The following ZNF169 variants were observed in gnomAD, a reference collection of about 807,000 sequenced individuals.
ZNF169 encodes the protein zinc finger protein 169.
Under a neutral mutation model 12.0 loss-of-function variants are expected in ZNF169, and 11 were observed. The observed-to-expected ratio is 0.92, with a 90% confidence interval of 0.58 to 1.52. The LOEUF is 1.52. ZNF169 is among the 40% of genes most tolerant of loss of function. The pLI, the probability that ZNF169 is intolerant of heterozygous loss-of-function variation, is 0.00. For missense variants in ZNF169, 722 were observed against 744.0 expected, an observed-to-expected ratio of 0.97 and a Z score of 0.34; for synonymous variants, 302 against 286.5, an observed-to-expected ratio of 1.05 and a Z score of -0.55.
rs376713073 is a variant in ZNF169, at chr9:94,296,892, A to G, written c.257-2923A>G. 925 of 449,720 alleles carry G rather than the reference A, an allele frequency of 2.1e-3. 22 individuals carry two copies. Among genetic ancestry groups the G allele is most frequent in the South Asian group, 0.014 (892 of 63,814 alleles). 27.9% of individuals were successfully genotyped at this position (449,720 alleles called of 1,614,324 possible). On this transcript the variant is annotated intron_variant, in intron 4 of 4. Transcript: ENST00000395395. ...AACCCCATCTCTACTAAAAATACAA[A>G]AAAAACTAGCCGAGTGTGGTGGTGC... is the stretch of plus-strand genomic sequence containing the variant.
At chr9:94,261,683 T>TGACAAA (rs1361135578) in intron 1 of ZNF169, among the ~76,000 whole-genome samples, 6 of 152,206 alleles carry the variant, frequency 3.9e-5, no homozygotes, top group Non-Finnish European at 8.8e-5. Context: ...TCCAGGTCTC[T>TGACAAA]CCCTTTGTCA....
chr9:94,267,723 TTGATATTA>T (rs1256566033), intron 1 of ZNF169, among the ~76,000 whole-genome samples: 1 of 152,234 alleles, frequency 6.6e-6, no homozygotes, highest in African/African-American at 2.4e-5. Flanking sequence ...CCTGTTGTGC[TTGATATTA>T]ATGAACATTT....
intron 1 of ZNF169, among the ~76,000 whole-genome samples, chr9:94,262,793 C>G (rs937257841): frequency 1.3e-5 from 2 of 152,160 alleles, no homozygotes; most frequent in Non-Finnish European, 2.9e-5. Context: ...CACTCATTAC[C>G]CTATCTCTCT....
At chr9:94,299,488 C>T (rs1026237607) in intron 4 of ZNF169, 7 of 1,248,908 alleles carry the variant, frequency 5.6e-6, no homozygotes, top group African/African-American at 1.5e-5. Context: ...AACAGCAGGC[C>T]GAACAAATGT....
Position 94,301,230 on chromosome 9 carries a change from A to G in ZNF169, c.1672A>G (p.Ile558Val). 1.2e-6 allele frequency: 2 copies of G among 1,613,992 alleles called. No homozygotes were observed. The highest frequency in any genetic ancestry group is 2.2e-5 in the South Asian group (2 of 91,078). The change falls in exon 5 of 5, where the codon ATC (isoleucine) becomes GTC (valine). Residue 558 changes from isoleucine (I) to valine (V), a missense_variant. Transcript: ENST00000395395. ...GRGFGFKSAL[I>V]RHQRTHSGEK... ...CGGCTTTGGCTTTAAGTCTGCCCTC[A>G]TCCGACATCAGCGGACCCATTCTGG... is the stretch of plus-strand genomic sequence containing the variant.
In ZNF169 at chr9:94,300,963, C is replaced by T. The variant is rs1831058883; in HGVS notation, c.1405C>T (p.Gln469Ter). The T allele has an allele frequency of 6.2e-7, 1 of 1,613,142 alleles. No individual in the cohort carries two copies. Among genetic ancestry groups the T allele is most frequent in the Admixed American group, 1.7e-5 (1 of 59,902 alleles). The change falls in exon 5 of 5, where the codon CAG becomes TAG. Residue 469 changes from glutamine to a stop codon, truncating the protein, a stop_gained. Coordinates refer to ENST00000395395, the MANE Select transcript of ZNF169 (RefSeq NM_194320.4). LOFTEE classifies it low-confidence loss of function (END_TRUNC). ...CCCTGATTGTGGGCGTGGCTTTGGT[C>T]AGAAGGTCACCCTCATCAGACACCA... ...LCPDCGRGFG[Q>*]KVTLIRHQRT...
At chr9:94,269,780 C>T (rs1348290246) in intron 1 of ZNF169, among the ~76,000 whole-genome samples, 2 of 152,160 alleles carry the variant, frequency 1.3e-5, no homozygotes, top group African/African-American at 2.4e-5. Flanking sequence ...TATATGTCTA[C>T]ATGTAAGTGT....
intron 1 of ZNF169, among the ~76,000 whole-genome samples, chr9:94,277,304 G>A (rs937545464): frequency 6.6e-6 from 1 of 152,142 alleles, no homozygotes; most frequent in Non-Finnish European, 1.5e-5. Context: ...GAGAGAGCAG[G>A]TTGTAAAATA....
chr9:94,300,045 A>C lies in ZNF169; in HGVS notation c.487A>C (p.Thr163Pro). The C allele has an allele frequency of 6.2e-7, 1 of 1,614,108 alleles. No homozygotes were observed. Among genetic ancestry groups the C allele is most frequent in the Non-Finnish European group, 8.5e-7 (1 of 1,180,022 alleles). The change falls in exon 5 of 5, where the codon ACA (threonine) becomes CCA (proline). Residue 163 changes from threonine (T) to proline (P), a missense_variant. By Grantham distance (38) the Thr-to-Pro change is conservative. Coordinates refer to ENST00000395395, the MANE Select transcript of ZNF169 (RefSeq NM_194320.4). ...AAAGAGGCCAAGCAGAATTTCTAGG[A>C]CATTCTTCAGCCCACATCAAGGTGA... ...LRKRPSRISR[T>P]FFSPHQGDPV...
intron 1 of ZNF169, among the ~76,000 whole-genome samples, chr9:94,269,914 A>T (rs922325905): frequency 6.6e-6 from 1 of 152,116 alleles, no homozygotes; most frequent in Non-Finnish European, 1.5e-5. Context: ...TGCTGGGGTG[A>T]TTACTCTTAC....
intron 4 of ZNF169, chr9:94,295,036 A>T (rs545345377): frequency 6.6e-6 from 1 of 152,300 alleles, no homozygotes; most frequent in African/African-American, 2.4e-5. Flanking sequence ...GCATTTCGTT[A>T]TATAAAAATG....
At chr9:94,279,596 CG>C (rs61086579) in intron 2 of ZNF169, among the ~76,000 whole-genome samples, 29,263 of 150,920 alleles carry the variant, frequency 0.19, 3,143 homozygotes, top group East Asian at 0.38. Flanking sequence ...GCCGAGATTG[CG>C]CCATTGCACT....
intron 2 of ZNF169, among the ~76,000 whole-genome samples, chr9:94,291,621 C>T (rs1391691012): frequency 6.6e-6 from 1 of 152,052 alleles, no homozygotes; most frequent in African/African-American, 2.4e-5. Context: ...GTTTAGTCAG[C>T]TTGCCGTATA....
intron 4 of ZNF169, chr9:94,293,694 T>C (rs1830894419): frequency 6.5e-6 from 1 of 153,528 alleles, no homozygotes; most frequent in African/African-American, 2.4e-5. Context: ...GTGTTGGGAT[T>C]ACAGGCGTGA....
At chr9:94,267,862 CTT>C (rs34734711) in intron 1 of ZNF169, among the ~76,000 whole-genome samples, 3 of 114,102 alleles carry the variant, frequency 2.6e-5, no homozygotes, top group Admixed American at 1.0e-4. Context: ...AAACTGCCTT[CTT>C]TTTTTTTTTT....
intron 2 of ZNF169, chr9:94,288,682 C>G: frequency 3.0e-6 from 1 of 334,966 alleles, no homozygotes; most frequent in Non-Finnish European, 5.8e-6. Flanking sequence ...GTATGTAGCA[C>G]TTCCCTCTTG....
At chr9:94,293,164 T>A in intron 4 of ZNF169, 95 bp downstream of exon 4, 1 of 1,153,396 alleles carries the variant, frequency 8.7e-7, no homozygotes, top group Non-Finnish European at 1.3e-6. Flanking sequence ...TAGGAGGAAG[T>A]TCTTCTTCAG....
chr9:94,265,445 TG>T (rs1336937771), intron 1 of ZNF169, among the ~76,000 whole-genome samples: 1 of 151,954 alleles, frequency 6.6e-6, no homozygotes, highest in African/African-American at 2.4e-5. Flanking sequence ...CCAGGCTTTG[TG>T]GCAGGCATCT....
intron 2 of ZNF169, among the ~76,000 whole-genome samples, chr9:94,284,285 C>T (rs1453373858): frequency 2.6e-5 from 4 of 151,482 alleles, no homozygotes; most frequent in Admixed American, 2.0e-4. Context: ...ATTAGCCGGG[C>T]GTGGTGGCAC....
Sources: gnomAD v4.1 joint callset for allele counts (sites outside exome capture counted in the v4.1 genomes callset) on GRCh38, gnomAD v4.1.1 for gene constraint, MANE v1.5 for transcripts, NCBI Gene and HGNC (gene_info 2026-07-23, HGNC 2026-07-21) for gene names.